The following C8A variants were observed in gnomAD, a reference collection of about 807,000 sequenced individuals.
C8A encodes complement C8 alpha chain, also known as complement component C8 alpha chain.
Under a neutral mutation model 65.3 loss-of-function variants are expected in C8A, and 67 were observed. That is an observed-to-expected ratio of 1.03 (90% CI 0.84 to 1.26). The LOEUF is 1.26. Ranked by LOEUF, C8A falls within the 50% of genes most tolerant of loss-of-function variation. The pLI is 0.00. For missense variants in C8A, 781 were observed against 723.9 expected, an observed-to-expected ratio of 1.08 and a Z score of -0.90; for synonymous variants, 290 against 259.4, an observed-to-expected ratio of 1.12 and a Z score of -1.13.
rs143450164 is a variant in C8A, at chr1:56,857,442, A to T, written c.77+2464A>T. On this transcript the variant is annotated intron_variant, in intron 1 of 10. Coordinates refer to ENST00000361249, the MANE Select transcript of C8A (RefSeq NM_000562.3). ...AACCTATTATGTTTATTATTAATAC[A>T]TATAGTTATGCTTGCTTTCTTATGA... is the stretch of plus-strand genomic sequence containing the variant. Among the ~76,000 whole-genome samples the T allele has an allele frequency of 7.8e-4, 118 of 152,164 alleles. 1 individual carries two copies. Among genetic ancestry groups the T allele is most frequent in the Admixed American group, 6.9e-3 (105 of 15,286 alleles).
At chr1:56,862,751 T>G (rs1323728529) in intron 1 of C8A, among the ~76,000 whole-genome samples, 1 of 152,178 alleles carries the variant, frequency 6.6e-6, no homozygotes. Flanking sequence ...CCGTATTAAA[T>G]GTCTTACTGA....
At chr1:56,884,618 A>T (rs761012412) in intron 6 of C8A, among the ~76,000 whole-genome samples, 2 of 152,172 alleles carry the variant, frequency 1.3e-5, no homozygotes, top group Admixed American at 6.5e-5. Flanking sequence ...TAGCGTGTTA[A>T]TATGGACTTT....
At chr1:56,875,177 A>G in intron 3 of C8A, 84 bp downstream of exon 3, 2 of 1,480,008 alleles carry the variant, frequency 1.4e-6, no homozygotes, top group East Asian at 2.4e-5. Flanking sequence ...ATTAAAATGC[A>G]TACTCCTGAG....
Position 56,867,782 on chromosome 1 carries a change from A to G in C8A, c.171+80A>G, listed in dbSNP as rs1644105488. 26 of 1,052,594 alleles carry G rather than the reference A, an allele frequency of 2.5e-5. No individual in the cohort carries two copies. In the South Asian group the frequency reaches 3.2e-4, roughly 13 times the overall value. 65.2% of individuals were successfully genotyped at this position (1,052,594 alleles called of 1,614,324 possible). On this transcript the variant is annotated intron_variant, in intron 2 of 10. Coordinates refer to ENST00000361249, the MANE Select transcript of C8A (RefSeq NM_000562.3). ...CATTCAAATGGAGATTAAGCAGTCC[A>G]CTATGTCTAGGGGCCTGGGGAGAAA...
intron 7 of C8A, among the ~76,000 whole-genome samples, chr1:56,905,064 T>C (rs1048213958): frequency 6.6e-6 from 1 of 152,226 alleles, no homozygotes; most frequent in Non-Finnish European, 1.5e-5. Flanking sequence ...CATTTTTTAA[T>C]CAAAACAATT....
chr1:56,858,132 C>T (rs939558745), intron 1 of C8A, among the ~76,000 whole-genome samples: 10 of 152,196 alleles, frequency 6.6e-5, no homozygotes, highest in Middle Eastern at 3.4e-3. Context: ...CTTAATTCTC[C>T]TCAAATATTG....
chr1:56,881,780 C>T, intron 5 of C8A, 146 bp downstream of exon 5: 12 of 767,514 alleles, frequency 1.6e-5, no homozygotes, highest in Non-Finnish European at 2.7e-5. Context: ...CCCATCCCCA[C>T]ACATGCTTAG....
chr1:56,891,668 T>A (rs1011306864), intron 7 of C8A, among the ~76,000 whole-genome samples: 1 of 152,110 alleles, frequency 6.6e-6, no homozygotes, highest in African/African-American at 2.4e-5. Flanking sequence ...TTGTGAGGTG[T>A]CAATTACTCC....
At chr1:56,871,681 G>T (rs1644148456) in intron 2 of C8A, among the ~76,000 whole-genome samples, 2 of 152,134 alleles carry the variant, frequency 1.3e-5, no homozygotes, top group Non-Finnish European at 2.9e-5. Flanking sequence ...AACTTGTGAA[G>T]ATTAAATAAG....
chr1:56,911,032 T>C (rs933822102), intron 9 of C8A, among the ~76,000 whole-genome samples: 6 of 150,990 alleles, frequency 4.0e-5, no homozygotes, highest in African/African-American at 1.5e-4. Context: ...ATGCTGAAGA[T>C]AACCACATAT....
Position 56,865,068 on chromosome 1 carries a change from T to C in C8A, c.78-2541T>C, listed in dbSNP as rs150599032. On this transcript the variant is annotated intron_variant, in intron 1 of 10. Transcript: ENST00000361249. ...AAAGTCCTTCTAGAAACAGTAAGAA[T>C]TGTTAATTTAATTAAACCTCAATCC... Among the ~76,000 whole-genome samples the C allele has an allele frequency of 8.0e-3, 1,218 of 152,298 alleles. 18 individuals carry two copies. Among genetic ancestry groups the C allele is most frequent in the African/African-American group, 0.028 (1,144 of 41,538 alleles).
At position 56,883,521 on chromosome 1, in the gene C8A, A is replaced by G. The variant is rs751715709; in HGVS notation, c.695A>G (p.Asn232Ser). The G allele has an allele frequency of 4.0e-5, 65 of 1,613,810 alleles. No individual in the cohort carries two copies. Among genetic ancestry groups the G allele is most frequent in the Non-Finnish European group, 5.2e-5 (61 of 1,179,948 alleles). The change falls in exon 6 of 11, where the codon AAT becomes AGT. Residue 232 changes from asparagine (N) to serine (S), a missense_variant. Coordinates refer to ENST00000361249, the MANE Select transcript of C8A (RefSeq NM_000562.3). ...DTGISSEFYD[N>S]ANDLLSKVKK... ...GGAATCTCCTCAGAGTTTTATGATAATGCAAATGACCTTCTTTCCAAAGTT... is the reference window on the plus strand; with the variant it reads ...GGAATCTCCTCAGAGTTTTATGATAGTGCAAATGACCTTCTTTCCAAAGTT...
At chr1:56,865,308 G>A (rs1644074235) in intron 1 of C8A, among the ~76,000 whole-genome samples, 1 of 152,150 alleles carries the variant, frequency 6.6e-6, no homozygotes, top group Non-Finnish European at 1.5e-5. Context: ...TCACAGTTCT[G>A]GAGACTGGGA....
intron 8 of C8A, 113 bp downstream of exon 8, chr1:56,906,905 C>A: frequency 2.3e-6 from 3 of 1,304,756 alleles, no homozygotes; most frequent in South Asian, 1.2e-5. Flanking sequence ...AGTCAATGAT[C>A]AGACTGCATA....
chr1:56,914,273 T>C (rs1013889986), intron 10 of C8A, among the ~76,000 whole-genome samples: 4 of 152,088 alleles, frequency 2.6e-5, no homozygotes, highest in Non-Finnish European at 5.9e-5. Flanking sequence ...GACTTTCTTC[T>C]GCATGTACTG....
At position 56,915,331 on chromosome 1, in the gene C8A, G is replaced by C. The variant is rs557692697; in HGVS notation, c.1604-2234G>C. Among the ~76,000 whole-genome samples the C allele has an allele frequency of 2.6e-5, 4 of 152,242 alleles. No homozygotes were observed. In the East Asian group the frequency reaches 5.8e-4, roughly 22 times the overall value. ...GCATGCAGAGAATACAAACCAAGGA[G>C]ACCAACTCCCAGGGCCAGTTCCATC... On this transcript the variant is annotated intron_variant, in intron 10 of 10. Transcript: ENST00000361249.
At position 56,912,428 on chromosome 1, in the gene C8A, G is replaced by A. The variant is rs777301484; in HGVS notation, c.1406G>A (p.Arg469Gln). Residue 469 changes from arginine to glutamine, a missense_variant, in exon 10 of 11, where the codon CGG becomes CAG. Arg to Gln is a conservative substitution (Grantham distance 43, BLOSUM62 1). Transcript: ENST00000361249. ...ATGCAGCCTATCCACGAGGTGCTGC[G>A]GCACACAAGCCTGGGGCCTCTGGAG... ...FEMQPIHEVL[R>Q]HTSLGPLEAK... The A allele has an allele frequency of 2.0e-5, 33 of 1,614,076 alleles. No individual in the cohort carries two copies. Among genetic ancestry groups the A allele is most frequent in the South Asian group, 1.8e-4 (16 of 91,086 alleles).
intron 7 of C8A, among the ~76,000 whole-genome samples, chr1:56,886,431 T>C (rs1450087460): frequency 1.3e-5 from 2 of 152,218 alleles, no homozygotes; most frequent in Non-Finnish European, 2.9e-5. Flanking sequence ...CATAGTTACT[T>C]TTATTTAAAA....
intron 2 of C8A, among the ~76,000 whole-genome samples, chr1:56,872,124 C>A (rs1178185143): frequency 1.3e-5 from 2 of 152,178 alleles, no homozygotes; most frequent in African/African-American, 4.8e-5. Context: ...AATGACCTAA[C>A]TGCAATATTC....
Sources: gnomAD v4.1 joint callset for allele counts (sites outside exome capture counted in the v4.1 genomes callset) on GRCh38, gnomAD v4.1.1 for gene constraint, MANE v1.5 for transcripts, NCBI Gene and HGNC (gene_info 2026-07-23, HGNC 2026-07-21) for gene names.